CES5A: variants seen among roughly 807,000 people sequenced by gnomAD.
CES5A encodes carboxylesterase 5.
In CES5A, 67 loss-of-function variants were observed where a neutral mutation model predicts 62.9. The observed-to-expected ratio is 1.07, with a 90% CI of 0.88 to 1.31. CES5A has a LOEUF of 1.31. Among genes scored for constraint, CES5A ranks in the 50% most tolerant of loss-of-function variants. The pLI is 0.00. For synonymous variants in CES5A, 296 were observed against 280.8 expected, an observed-to-expected ratio of 1.05 and a Z score of -0.54; for missense variants, 748 against 708.5, an observed-to-expected ratio of 1.06 and a Z score of -0.63.
chr16:55,921,456 T>A (rs1423221226), intron 1 of CES5A, among the ~76,000 whole-genome samples: 1 of 151,602 alleles, frequency 6.6e-6, no homozygotes, highest in East Asian at 1.9e-4. Flanking sequence ...GGAAATGGAA[T>A]TATACTTTCA....
At chr16:55,899,896 GTGATTTCCCA>G (rs1327467193) in intron 1 of CES5A, among the ~76,000 whole-genome samples, 1 of 152,176 alleles carries the variant, frequency 6.6e-6, no homozygotes, top group African/African-American at 2.4e-5. Context: ...AAAACACCCA[GTGATTTCCCA>G]TGACTCATAT....
At chr16:55,876,627 C>T (rs74961199), upstream of CES5A, among the ~76,000 whole-genome samples, 212 of 152,254 alleles carry the variant, frequency 1.4e-3, no homozygotes, top group African/African-American at 4.9e-3. Context: ...GAAATGTGTG[C>T]TAAGGATGAA....
intron 2 of CES5A, among the ~76,000 whole-genome samples, chr16:55,931,819 G>A (rs1387720089): frequency 6.6e-6 from 1 of 152,154 alleles, no homozygotes; most frequent in Non-Finnish European, 1.5e-5. Flanking sequence ...ACCTTGCCTT[G>A]GGCATGCTGT....
intron 11 of CES5A, 44 bp from the exon 12 acceptor site, chr16:55,846,884 C>T (rs766437371): frequency 5.3e-6 from 8 of 1,512,572 alleles, no homozygotes; most frequent in East Asian, 4.5e-5. Flanking sequence ...GGGTGAGGCT[C>T]GGGAAGCCCC....
chr16:55,866,575 C>T (rs544471841), intron 4 of CES5A, among the ~76,000 whole-genome samples: 1 of 150,522 alleles, frequency 6.6e-6, no homozygotes, highest in East Asian at 2.0e-4. Flanking sequence ...GTAATCCCAG[C>T]ACTTTGGGAG....
At chr16:55,922,055 A>G (rs1236836636) in intron 1 of CES5A, among the ~76,000 whole-genome samples, 3 of 152,032 alleles carry the variant, frequency 2.0e-5, no homozygotes, top group Non-Finnish European at 4.4e-5. Flanking sequence ...ACTAAAAATA[A>G]AAAGCAATGA....
At chr16:55,911,407 C>T (rs948916100) in intron 1 of CES5A, among the ~76,000 whole-genome samples, 3 of 152,290 alleles carry the variant, frequency 2.0e-5, no homozygotes, top group Middle Eastern at 3.4e-3. Flanking sequence ...AAGAAACGAT[C>T]GTGGTGGACA....
Position 55,890,999 on chromosome 16 carries a change from C to T in CES5A, c.-255-16962G>A, listed in dbSNP as rs9929741. 9.2e-3 allele frequency among the ~76,000 whole-genome samples: 1,395 copies of T among 152,230 alleles called. 27 individuals are homozygous for T. The highest frequency in any genetic ancestry group is 0.032 in the African/African-American group (1,322 of 41,540). ...TCACCTGCTCCACCCTGACTCATTC[C>T]GATTACCTGCTCCACCCTGACTCAT... On this transcript the variant is annotated intron_variant, in intron 1 of 12. Transcript: ENST00000518005.
chr16:55,846,982 C>A, intron 11 of CES5A, 142 bp from the exon 12 acceptor site: 1 of 733,240 alleles, frequency 1.4e-6, no homozygotes, highest in Non-Finnish European at 2.3e-6. Flanking sequence ...CCATTTTATA[C>A]ATGCAGATAC....
In CES5A at chr16:55,897,237, T is replaced by C. The variant is rs57869033; in HGVS notation, c.-255-23200A>G. Among the ~76,000 whole-genome samples the C allele has an allele frequency of 6.9e-3, 1,045 of 152,250 alleles. 19 individuals are homozygous for C. Among genetic ancestry groups the C allele is most frequent in the African/African-American group, 0.023 (946 of 41,518 alleles). Reference sequence around the variant, plus strand: ...GTCCTGACAGAGAACCATTCCCTGCTGTCCTATGTAGGAAACAAAGCACTT... The same window carrying C: ...GTCCTGACAGAGAACCATTCCCTGCCGTCCTATGTAGGAAACAAAGCACTT... On this transcript the variant is annotated intron_variant, in intron 1 of 12. Transcript: ENST00000518005.
intron 2 of CES5A, among the ~76,000 whole-genome samples, chr16:55,937,211 G>A (rs539234577): frequency 1.8e-4 from 28 of 152,274 alleles, no homozygotes; most frequent in African/African-American, 6.0e-4. Flanking sequence ...TCCCCCAGCA[G>A]AGCTGTCTCC....
chr16:55,859,279 C>T (rs2033305254), intron 8 of CES5A, among the ~76,000 whole-genome samples: 1 of 152,178 alleles, frequency 6.6e-6, no homozygotes, highest in South Asian at 2.1e-4. Flanking sequence ...GAACAAAGAC[C>T]AAATGGACCG....
At chr16:55,850,985 A>G (rs1597109231) in intron 10 of CES5A, among the ~76,000 whole-genome samples, 1 of 152,212 alleles carries the variant, frequency 6.6e-6, no homozygotes, top group East Asian at 1.9e-4. Context: ...ATATAGAAAA[A>G]CTAACTCAAA....
At chr16:55,909,710 C>A (rs1226103578) in intron 1 of CES5A, among the ~76,000 whole-genome samples, 2 of 152,196 alleles carry the variant, frequency 1.3e-5, no homozygotes, top group Non-Finnish European at 2.9e-5. Flanking sequence ...GGCAGAAGAT[C>A]TGAGGTCTGT....
At chr16:55,891,758 A>G (rs1171584015) in intron 1 of CES5A, among the ~76,000 whole-genome samples, 2 of 152,198 alleles carry the variant, frequency 1.3e-5, no homozygotes, top group Non-Finnish European at 2.9e-5. Context: ...TTGGGGGTCC[A>G]TGATATTTCC....
intron 2 of CES5A, among the ~76,000 whole-genome samples, chr16:55,940,546 C>T (rs1251047084): frequency 1.3e-5 from 2 of 151,764 alleles, no homozygotes; most frequent in Admixed American, 1.3e-4. Context: ...TAAAACCTTT[C>T]AAAAAAGTCA....
In CES5A at chr16:55,854,531, C is replaced by CTTTCTGTTTTCTTTCTTT. The variant is rs1555479325; in HGVS notation, c.1126-1504_1126-1503insAAAGAAAGAAAACAGAAA. 7.7e-5 allele frequency among the ~76,000 whole-genome samples: 4 copies of CTTTCTGTTTTCTTTCTTT among 52,164 alleles called. 1 individual carries two copies. The highest frequency in any genetic ancestry group is 2.7e-4 in the African/African-American group (3 of 11,148). 34.2% of individuals were successfully genotyped at this position (52,164 alleles called of 152,430 possible). On this transcript the variant is annotated intron_variant, in intron 9 of 12. Transcript: ENST00000290567. ...TGAGGGATATCTGCCTGTAGTGTTT[C>CTTTCTGTTTTCTTTCTTT]TTTTTTTTTTTTCTTTTTTTTTTTT...
At chr16:55,945,557 A>G (rs1396032442) in intron 2 of CES5A, among the ~76,000 whole-genome samples, 1 of 152,236 alleles carries the variant, frequency 6.6e-6, no homozygotes. Flanking sequence ...CTCTAGCACT[A>G]ACTGGGGACT....
intron 7 of CES5A, among the ~76,000 whole-genome samples, chr16:55,861,131 TGTG>T (rs2033342538): frequency 6.6e-6 from 1 of 152,196 alleles, no homozygotes; most frequent in Admixed American, 6.5e-5. Context: ...GCATAACAAG[TGTG>T]GTCCTTCTCT....
Sources: gnomAD v4.1 joint callset for allele counts (sites outside exome capture counted in the v4.1 genomes callset) on GRCh38, gnomAD v4.1.1 for gene constraint, MANE v1.5 for transcripts, NCBI Gene and HGNC (gene_info 2026-07-23, HGNC 2026-07-21) for gene names.